ATXN7L1: variants seen among roughly 807,000 people sequenced by gnomAD.
ATXN7L1 encodes ataxin 7 like 1, also known as ataxin-7-like protein 1.
A neutral mutation model predicts 70.8 loss-of-function variants in ATXN7L1; 15 were observed. The observed-to-expected ratio is 0.21, with a 90% CI of 0.14 to 0.33. The LOEUF is 0.33. Among genes scored for constraint, ATXN7L1 ranks in the 10% least tolerant of loss-of-function variants. The pLI is 1.00. For synonymous variants in ATXN7L1, 440 were observed against 445.1 expected (o/e 0.99, Z 0.14); for missense variants, 975 against 1,097.1 (o/e 0.89, Z 1.57).
intron 4 of ATXN7L1, among the ~76,000 whole-genome samples, chr7:105,656,630 G>C (rs895069067): frequency 2.0e-5 from 3 of 149,152 alleles, no homozygotes; most frequent in Admixed American, 6.7e-5. Context: ...GAGTGCAGTG[G>C]TGTGATCTTG....
chr7:105,676,716 T>C (rs1804712032), intron 3 of ATXN7L1, among the ~76,000 whole-genome samples: 1 of 152,096 alleles, frequency 6.6e-6, no homozygotes. Flanking sequence ...GGCATGTGTC[T>C]GTAATCCCAG....
chr7:105,776,603 G>A (rs1802769058), intron 3 of ATXN7L1, among the ~76,000 whole-genome samples: 4 of 152,082 alleles, frequency 2.6e-5, no homozygotes, highest in South Asian at 2.1e-4. Flanking sequence ...AGCCTGACAG[G>A]GGTCCTTGTT....
At chr7:105,817,502 G>A (rs1809365133) in intron 2 of ATXN7L1, among the ~76,000 whole-genome samples, 1 of 152,200 alleles carries the variant, frequency 6.6e-6, no homozygotes, top group Admixed American at 6.5e-5. Context: ...AATGTAACTT[G>A]CCCTCAAATG....
At chr7:105,669,064 G>T (rs943865261) in intron 3 of ATXN7L1, among the ~76,000 whole-genome samples, 1 of 152,060 alleles carries the variant, frequency 6.6e-6, no homozygotes, top group Non-Finnish European at 1.5e-5. Context: ...AACTGTATCA[G>T]TGGATAAGCT....
intron 7 of ATXN7L1, among the ~76,000 whole-genome samples, chr7:105,636,031 A>G (rs1265869129): frequency 6.6e-6 from 1 of 152,162 alleles, no homozygotes; most frequent in Non-Finnish European, 1.5e-5. Flanking sequence ...CATTTTCCTG[A>G]TTAACTTTGG....
intron 3 of ATXN7L1, among the ~76,000 whole-genome samples, chr7:105,690,944 A>G (rs751907338): frequency 7.9e-5 from 12 of 152,306 alleles, no homozygotes; most frequent in African/African-American, 2.6e-4. Flanking sequence ...AGGCCAGAAA[A>G]TCACACAGAT....
At chr7:105,650,020 A>G (rs1188018618) in intron 4 of ATXN7L1, among the ~76,000 whole-genome samples, 1 of 152,228 alleles carries the variant, frequency 6.6e-6, no homozygotes, top group Non-Finnish European at 1.5e-5. Flanking sequence ...CCCCAATAAA[A>G]AGGAATTTAC....
intron 2 of ATXN7L1, among the ~76,000 whole-genome samples, chr7:105,790,682 T>TCTA (rs777130306): frequency 1.2e-4 from 18 of 147,030 alleles, no homozygotes; most frequent in South Asian, 2.2e-4. Flanking sequence ...CTACTATCTA[T>TCTA]CTATCTATCT....
In ATXN7L1 at chr7:105,819,129, C is replaced by T. The variant is rs537383734; in HGVS notation, c.251-30421G>A. Among the ~76,000 whole-genome samples the T allele has an allele frequency of 4.6e-5, 7 of 151,204 alleles. No individual in the cohort carries two copies. In the East Asian group the frequency reaches 9.8e-4, roughly 21 times the overall value. Reference sequence around the variant, plus strand: ...ATTCCCAACTATGAGTGAGAACCTGCGGTGTTTGGTTTTCTGTCCTTGTGA... The same window carrying T: ...ATTCCCAACTATGAGTGAGAACCTGTGGTGTTTGGTTTTCTGTCCTTGTGA... On this transcript the variant is annotated intron_variant, in intron 2 of 11. Coordinates refer to ENST00000419735, the MANE Select transcript of ATXN7L1 (RefSeq NM_020725.2).
intron 3 of ATXN7L1, among the ~76,000 whole-genome samples, chr7:105,776,864 G>A (rs1802812311): frequency 6.6e-6 from 1 of 152,102 alleles, no homozygotes; most frequent in Non-Finnish European, 1.5e-5. Flanking sequence ...CTGCCTGCCA[G>A]GTTCAAGCGA....
intron 3 of ATXN7L1, among the ~76,000 whole-genome samples, chr7:105,683,913 T>G (rs536972959): frequency 1.3e-5 from 2 of 152,132 alleles, no homozygotes; most frequent in East Asian, 3.9e-4. Flanking sequence ...GACCTTGAAG[T>G]TGGGACTAAC....
At position 105,614,897 on chromosome 7, in the gene ATXN7L1, T is replaced by C; in HGVS notation, c.1518-81A>G. ...CAGGAGGCTCGATGACGTTTGAGGA[T>C]CAGGGCTACAGAGGACACCCCGGCA... is the stretch of plus-strand genomic sequence containing the variant. On this transcript the variant is annotated intron_variant, in intron 9 of 11. Coordinates refer to ENST00000419735, the MANE Select transcript of ATXN7L1 (RefSeq NM_020725.2). The surrounding 1 kb of genome is among the most constrained non-coding windows in gnomAD (Gnocchi z 4.3). 1.4e-6 allele frequency: 2 copies of C among 1,471,438 alleles called. No homozygotes were observed. Among genetic ancestry groups the C allele is most frequent in the South Asian group, 2.7e-5 (2 of 73,224 alleles). The allele number at this position is 1,471,438 out of a possible 1,614,324, so 91.1% of individuals were successfully genotyped here.
At chr7:105,661,123 C>T (rs938176598) in intron 4 of ATXN7L1, among the ~76,000 whole-genome samples, 2 of 152,178 alleles carry the variant, frequency 1.3e-5, no homozygotes, top group African/African-American at 4.8e-5. Flanking sequence ...TGGATGAAGG[C>T]CATTAGTCAA....
At chr7:105,727,779 C>CATATATATATAT (rs1337554948) in intron 3 of ATXN7L1, among the ~76,000 whole-genome samples, 1 of 66,862 alleles carries the variant, frequency 1.5e-5, no homozygotes, top group African/African-American at 7.6e-5. Context: ...TATATATATA[C>CATATATATATAT]ACACACATAC....
rs1004310081 is a variant in ATXN7L1, at chr7:105,704,678, C to G, written c.356-39390G>C. ...GTACGATCTGAGCTTGTTGCAACCT[C>G]TACTCACTGCAACCTCCCGCCTCCT... On this transcript the variant is annotated intron_variant, in intron 3 of 11. Coordinates refer to ENST00000419735, the MANE Select transcript of ATXN7L1 (RefSeq NM_020725.2). Among the ~76,000 whole-genome samples, 17 of 140,798 alleles carry G rather than the reference C, an allele frequency of 1.2e-4. 1 individual carries two copies. Among genetic ancestry groups the G allele is most frequent in the African/African-American group, 4.2e-4 (16 of 38,438 alleles). The allele number at this position is 140,798 out of a possible 152,430, so 92.4% of individuals were successfully genotyped here.
chr7:105,623,221 C>T (rs932473860), intron 8 of ATXN7L1, among the ~76,000 whole-genome samples: 5 of 152,134 alleles, frequency 3.3e-5, no homozygotes, highest in African/African-American at 7.2e-5. Flanking sequence ...GATCTTGATG[C>T]GGGACCAGGA....
At chr7:105,794,822 TACTC>T (rs1209095845) in intron 2 of ATXN7L1, among the ~76,000 whole-genome samples, 1 of 152,212 alleles carries the variant, frequency 6.6e-6, no homozygotes, top group Non-Finnish European at 1.5e-5. Flanking sequence ...ACTTAATGCT[TACTC>T]ATTAAAGATT....
intron 3 of ATXN7L1, chr7:105,678,925 T>C (rs1461239797): frequency 1.2e-5 from 4 of 323,210 alleles, no homozygotes; most frequent in Non-Finnish European, 8.9e-6. Flanking sequence ...CTGTCTATGC[T>C]AACACTCATT....
chr7:105,831,149 C>A (rs1811545923), intron 2 of ATXN7L1, among the ~76,000 whole-genome samples: 1 of 152,218 alleles, frequency 6.6e-6, no homozygotes, highest in Non-Finnish European at 1.5e-5. Context: ...GTAAGTTGTG[C>A]AGTGTACACA....
Sources: allele counts gnomAD v4.1 joint callset (sites outside exome capture counted in the v4.1 genomes callset), GRCh38; gene constraint gnomAD v4.1.1; non-coding constraint Gnocchi (gnomAD v3.1); transcripts MANE v1.5; gene names NCBI Gene and HGNC (gene_info 2026-07-23, HGNC 2026-07-21).